CNTN4: variants seen among roughly 807,000 people sequenced by gnomAD.
The protein encoded by CNTN4 is contactin 4.
CNTN4 carries 77 observed loss-of-function variants against 122.5 expected under a neutral mutation model. That is an observed-to-expected ratio of 0.63 (90% CI 0.52 to 0.76). The LOEUF is 0.76. Among genes scored for constraint, CNTN4 ranks in the 30% least tolerant of loss-of-function variants. The pLI is 0.00. For missense variants in CNTN4, 1,256 were observed against 1,259.1 expected (o/e 1.00, Z 0.04); for synonymous variants, 512 against 447.0 (o/e 1.15, Z -1.83).
At chr3:2,578,898 G>C (rs1324181269) in intron 4 of CNTN4, among the ~76,000 whole-genome samples, 1 of 152,052 alleles carries the variant, frequency 6.6e-6, no homozygotes, top group Non-Finnish European at 1.5e-5. Context: ...AATAGGGGAA[G>C]TATACTTAGA....
intron 2 of CNTN4, among the ~76,000 whole-genome samples, chr3:2,124,473 C>CACACACACA (rs1553570119): frequency 1.6e-3 from 229 of 147,210 alleles, no homozygotes; most frequent in African/African-American, 4.8e-3. Flanking sequence ...CACACACACA[C>CACACACACA]CCCCTTAAGC....
intron 3 of CNTN4, among the ~76,000 whole-genome samples, chr3:2,528,061 A>G (rs2077466532): frequency 6.6e-6 from 1 of 152,096 alleles, no homozygotes; most frequent in Non-Finnish European, 1.5e-5. Context: ...GTCACTTTTC[A>G]TTCTCAGCTA....
chr3:2,408,640 G>C (rs1559526723), intron 3 of CNTN4, among the ~76,000 whole-genome samples: 2 of 152,088 alleles, frequency 1.3e-5, no homozygotes, highest in Admixed American at 1.3e-4. Flanking sequence ...TGAACCCTTG[G>C]AAAATTGGGA....
intron 2 of CNTN4, among the ~76,000 whole-genome samples, chr3:2,106,977 G>A (rs539850390): frequency 4.3e-4 from 66 of 152,242 alleles, no homozygotes; most frequent in African/African-American, 1.5e-3. Context: ...TTCAGTTCTC[G>A]ATAAGTTCCT....
At chr3:2,784,595 T>C (rs1436738534) in intron 6 of CNTN4, among the ~76,000 whole-genome samples, 1 of 151,944 alleles carries the variant, frequency 6.6e-6, no homozygotes, top group African/African-American at 2.4e-5. Context: ...AATGCAGTTC[T>C]TTTCAGCACT....
intron 13 of CNTN4, among the ~76,000 whole-genome samples, chr3:2,978,221 G>A (rs1693612035): frequency 6.6e-6 from 1 of 152,140 alleles, no homozygotes; most frequent in Non-Finnish European, 1.5e-5. Flanking sequence ...CCCTCCCACT[G>A]CATTGCTCTG....
intron 4 of CNTN4, among the ~76,000 whole-genome samples, chr3:2,612,589 G>T (rs1576216235): frequency 6.6e-6 from 1 of 152,098 alleles, no homozygotes; most frequent in East Asian, 1.9e-4. Context: ...ATCCCTATGA[G>T]AATTCAGTGA....
At chr3:2,257,444 C>G (rs765039986) in intron 2 of CNTN4, among the ~76,000 whole-genome samples, 6 of 152,166 alleles carry the variant, frequency 3.9e-5, no homozygotes, top group Non-Finnish European at 8.8e-5. Flanking sequence ...CAAATGGGAT[C>G]TAATTAACCT....
At chr3:2,475,196 G>A (rs530824544) in intron 3 of CNTN4, among the ~76,000 whole-genome samples, 4 of 152,262 alleles carry the variant, frequency 2.6e-5, no homozygotes, top group African/African-American at 9.6e-5. Context: ...TTGTATCTGG[G>A]GTGGGAAATA....
intron 3 of CNTN4, among the ~76,000 whole-genome samples, chr3:2,560,583 C>T (rs1359426097): frequency 6.6e-6 from 1 of 152,178 alleles, no homozygotes; most frequent in Non-Finnish European, 1.5e-5. Context: ...GAAGTAGGCT[C>T]AGTATCTCCG....
At chr3:2,400,436 T>C (rs867221677) in intron 3 of CNTN4, among the ~76,000 whole-genome samples, 9 of 131,690 alleles carry the variant, frequency 6.8e-5, no homozygotes, top group Non-Finnish European at 1.0e-4. Flanking sequence ...TACATATATA[T>C]ATATATATAT....
chr3:2,783,736 A>G (rs940581125), intron 6 of CNTN4, among the ~76,000 whole-genome samples: 2 of 152,234 alleles, frequency 1.3e-5, no homozygotes, highest in African/African-American at 4.8e-5. Flanking sequence ...ACTCAAGACT[A>G]TAGAAGAGTT....
rs2086959400 is a variant in CNTN4, at chr3:2,709,304, A to G, written c.56-26911A>G. Among the ~76,000 whole-genome samples the G allele has an allele frequency of 6.6e-6, 1 of 152,180 alleles. No individual in the cohort carries two copies. Among genetic ancestry groups the G allele is most frequent in the African/African-American group, 2.4e-5 (1 of 41,430 alleles). Reference sequence around the variant, plus strand: ...CTGAATTTATAATTAGTACAGTGTGATTCTCAACCTTGGCTGCATATTAGA... The same window carrying G: ...CTGAATTTATAATTAGTACAGTGTGGTTCTCAACCTTGGCTGCATATTAGA... On this transcript the variant is annotated intron_variant, in intron 4 of 24. Transcript: ENST00000418658. The surrounding 1 kb of genome is among the most constrained non-coding windows in gnomAD (Gnocchi z 5.0).
intron 4 of CNTN4, among the ~76,000 whole-genome samples, chr3:2,599,667 T>G (rs2080938093): frequency 6.6e-6 from 1 of 152,204 alleles, no homozygotes; most frequent in African/African-American, 2.4e-5. Flanking sequence ...AAACTTCTCT[T>G]GGTTAAAAGT....
At chr3:2,355,164 C>T (rs1254571296) in intron 3 of CNTN4, among the ~76,000 whole-genome samples, 1 of 152,190 alleles carries the variant, frequency 6.6e-6, no homozygotes, top group African/African-American at 2.4e-5. Flanking sequence ...CAGCATTTCT[C>T]CTAACTTCTG....
intron 3 of CNTN4, among the ~76,000 whole-genome samples, chr3:2,363,314 C>T (rs1183144155): frequency 6.6e-6 from 1 of 152,226 alleles, no homozygotes; most frequent in African/African-American, 2.4e-5. Flanking sequence ...CCTGTCACCT[C>T]TCTTCTTCCT....
chr3:2,711,592 G>A (rs896972846), intron 4 of CNTN4, among the ~76,000 whole-genome samples: 1 of 152,130 alleles, frequency 6.6e-6, no homozygotes, highest in Non-Finnish European at 1.5e-5. Flanking sequence ...CGTACAAAAA[G>A]GGGGTTTCCA....
At chr3:2,499,906 TC>T (rs1169442742) in intron 3 of CNTN4, among the ~76,000 whole-genome samples, 1 of 152,156 alleles carries the variant, frequency 6.6e-6, no homozygotes, top group Non-Finnish European at 1.5e-5. Flanking sequence ...TTTTATTTCT[TC>T]CATTGTCATT....
intron 4 of CNTN4, among the ~76,000 whole-genome samples, chr3:2,594,774 G>A (rs376793923): frequency 2.6e-5 from 4 of 151,794 alleles, no homozygotes; most frequent in Admixed American, 6.6e-5. Context: ...ATGTGTATGT[G>A]TGTTTGTTTG....
Sources: allele counts gnomAD v4.1 joint callset (sites outside exome capture counted in the v4.1 genomes callset), GRCh38; gene constraint gnomAD v4.1.1; non-coding constraint Gnocchi (gnomAD v3.1); transcripts MANE v1.5; gene names NCBI Gene and HGNC (gene_info 2026-07-23, HGNC 2026-07-21).